Variants in NSD1 observed in about 807,000 individuals in gnomAD.
NSD1 encodes histone-lysine N-methyltransferase, H3 lysine-36 specific.
Under a neutral mutation model 242.7 loss-of-function variants are expected in NSD1, and 26 were observed. That is an observed-to-expected ratio of 0.11 (90% CI 0.08 to 0.15). The LOEUF is 0.15. Among genes scored for constraint, NSD1 ranks in the 10% least tolerant of loss-of-function variants. The pLI, the probability that NSD1 is intolerant of heterozygous loss-of-function variation, is 1.00. For missense variants in NSD1, 2,495 were observed against 3,272.8 expected (o/e 0.76, Z 5.80); for synonymous variants, 1,106 against 1,178.1 (o/e 0.94, Z 1.25).
rs1760110255 is a variant in NSD1 at position 177,294,496 on chromosome 5, G to A, written c.7128G>A (p.Glu2376=). Residue 2376 remains glutamate (E), a synonymous_variant, in exon 23 of 23, where the codon GAG becomes GAA. Transcript: ENST00000439151. ...CCAGCCCAAGGCCCCAGTCACTGGAGAAAACCTCAGTTCCCACTGGCCTGA... is the reference window on the plus strand; with the variant it reads ...CCAGCCCAAGGCCCCAGTCACTGGAAAAAACCTCAGTTCCCACTGGCCTGA... The part of the protein sequence containing the change: ...GAASPRPQSL[E]KTSVPTGLRL... 3 of 1,614,208 alleles carry A rather than the reference G, an allele frequency of 1.9e-6. No individual in the cohort carries two copies. Among genetic ancestry groups the A allele is most frequent in the Non-Finnish European group, 2.5e-6 (3 of 1,180,034 alleles).
chr5:177,234,487 C>A (rs1187997871), intron 5 of NSD1, among the ~76,000 whole-genome samples: 1 of 152,128 alleles, frequency 6.6e-6, no homozygotes, highest in Non-Finnish European at 1.5e-5. Flanking sequence ...GAGGCCAAGG[C>A]GGGCAGATCA....
At chr5:177,184,987 A>G (rs996501639) in intron 2 of NSD1, among the ~76,000 whole-genome samples, 3 of 152,150 alleles carry the variant, frequency 2.0e-5, no homozygotes, top group African/African-American at 4.8e-5. Context: ...TTTTTGTCTT[A>G]TATATTGCTG....
chr5:177,231,081 A>T (rs534889121), intron 5 of NSD1, among the ~76,000 whole-genome samples: 1 of 152,204 alleles, frequency 6.6e-6, no homozygotes, highest in South Asian at 2.1e-4. Context: ...GGTTTGTGTA[A>T]GTCACCACCC....
chr5:177,156,103 C>T (rs1299869596), intron 2 of NSD1, among the ~76,000 whole-genome samples: 1 of 151,326 alleles, frequency 6.6e-6, no homozygotes, highest in Non-Finnish European at 1.5e-5. Context: ...TATGGAATAC[C>T]CTAGGTATTC....
At chr5:177,221,017 C>T (rs1193034049) in intron 5 of NSD1, 1 of 455,388 alleles carries the variant, frequency 2.2e-6, no homozygotes, top group Admixed American at 2.4e-5. Flanking sequence ...GTGCCTTCCA[C>T]CACCCCCGGT....
At chr5:177,132,742 T>C (rs936342406), upstream of NSD1, among the ~76,000 whole-genome samples, 1 of 146,998 alleles carries the variant, frequency 6.8e-6, no homozygotes, top group African/African-American at 2.5e-5. The surrounding 1 kb of genome is among the most constrained non-coding windows in gnomAD (Gnocchi z 7.5). Context: ...CCGGGGCGGG[T>C]AACCCGACCC....
intron 5 of NSD1, among the ~76,000 whole-genome samples, chr5:177,220,563 CTTT>C (rs869220346): frequency 6.5e-4 from 55 of 84,348 alleles, no homozygotes; most frequent in African/African-American, 2.4e-3. Flanking sequence ...ATAGTAATTG[CTTT>C]TTTTTTTTTT....
chr5:177,283,089 G>T (rs1347677679), intron 19 of NSD1, among the ~76,000 whole-genome samples: 1 of 152,072 alleles, frequency 6.6e-6, no homozygotes, highest in African/African-American at 2.4e-5. Context: ...AAGTAGCTGG[G>T]ACTACAGGCA....
intron 2 of NSD1, among the ~76,000 whole-genome samples, chr5:177,186,753 A>C (rs758651789): frequency 6.6e-6 from 1 of 152,112 alleles, no homozygotes; most frequent in Non-Finnish European, 1.5e-5. Context: ...CTTTGGGAAG[A>C]CAAGGTAGGA....
chr5:177,210,220 T>G lies in NSD1; in HGVS notation c.1821T>G (p.Asn607Lys), dbSNP rs1464091422. 1 of 1,595,818 alleles carries G rather than the reference T, an allele frequency of 6.3e-7. No homozygotes were observed. Among genetic ancestry groups the G allele is most frequent in the Non-Finnish European group, 8.5e-7 (1 of 1,171,912 alleles). Residue 607 changes from asparagine to lysine, a missense_variant, in exon 5 of 23, where the codon AAT becomes AAG. This residue lies in a region of NSD1 where 515 missense variants were observed against 467.0 expected (regional missense o/e 1.10). Transcript: ENST00000439151. ...ALISKCSREK[N>K]KPQRSLVCGS... Reference sequence around the variant, plus strand: ...TCTCAAAGTGTTCTCGAGAGAAGAATAAACCCCAACGAAGCCTGGTGTGTG... The same window carrying G: ...TCTCAAAGTGTTCTCGAGAGAAGAAGAAACCCCAACGAAGCCTGGTGTGTG...
intron 5 of NSD1, among the ~76,000 whole-genome samples, chr5:177,218,505 T>G (rs1763963596): frequency 6.6e-6 from 1 of 152,190 alleles, no homozygotes; most frequent in Non-Finnish European, 1.5e-5. Flanking sequence ...TGTTGATTTT[T>G]TTTTTCTATT....
intron 5 of NSD1, among the ~76,000 whole-genome samples, chr5:177,224,897 T>C (rs1764517282): frequency 6.6e-6 from 1 of 152,094 alleles, no homozygotes; most frequent in Non-Finnish European, 1.5e-5. Context: ...TTTTTGTGTC[T>C]ATTGAGAAGA....
At chr5:177,235,713 A>G (rs1186118869) in intron 5 of NSD1, 108 bp from the exon 6 acceptor site, 29 of 1,412,368 alleles carry the variant, frequency 2.1e-5, no homozygotes, top group East Asian at 1.1e-4. Context: ...CTATTTTACT[A>G]TGTGGTTTCC....
At chr5:177,146,886 A>G (rs1757292717) in intron 2 of NSD1, among the ~76,000 whole-genome samples, 1 of 151,922 alleles carries the variant, frequency 6.6e-6, no homozygotes, top group Non-Finnish European at 1.5e-5. Flanking sequence ...TCATGCCTGT[A>G]ATCCTAGCTA....
intron 2 of NSD1, among the ~76,000 whole-genome samples, chr5:177,143,134 A>G (rs1030795446): frequency 6.6e-6 from 1 of 152,196 alleles, no homozygotes; most frequent in African/African-American, 2.4e-5. Context: ...TAGAAAGGTG[A>G]TAAGTGGATT....
intron 22 of NSD1, among the ~76,000 whole-genome samples, chr5:177,292,798 A>T (rs1759948098): frequency 6.6e-6 from 1 of 152,164 alleles, no homozygotes; most frequent in Admixed American, 6.5e-5. Flanking sequence ...ACCTTTGAGT[A>T]GTGATTTGGG....
chr5:177,163,190 T>A (rs1758898993), intron 2 of NSD1, among the ~76,000 whole-genome samples: 1 of 150,818 alleles, frequency 6.6e-6, no homozygotes, highest in South Asian at 2.1e-4. Context: ...TTGCCAAGTC[T>A]GGAATGCAGT....
chr5:177,177,933 C>T (rs748649142), intron 2 of NSD1, among the ~76,000 whole-genome samples: 2 of 152,098 alleles, frequency 1.3e-5, no homozygotes, highest in South Asian at 2.1e-4. Flanking sequence ...CTTGCTCTGT[C>T]GCCCAGGCTG....
chr5:177,143,783 CTTTT>C (rs11300578), intron 2 of NSD1, among the ~76,000 whole-genome samples: 6 of 121,108 alleles, frequency 5.0e-5, no homozygotes, highest in Non-Finnish European at 5.1e-5. Flanking sequence ...TACAAGATAA[CTTTT>C]TTTTTTTTTT....
Sources: allele counts gnomAD v4.1 joint callset (sites outside exome capture counted in the v4.1 genomes callset), GRCh38; gene constraint gnomAD v4.1.1; regional missense constraint gnomAD v4.1.1; non-coding constraint Gnocchi (gnomAD v3.1); transcripts MANE v1.5; gene names NCBI Gene and HGNC (gene_info 2026-07-23, HGNC 2026-07-21).